CNTNAP2: variants seen among roughly 807,000 people sequenced by gnomAD.
CNTNAP2 encodes contactin associated protein 2.
In CNTNAP2, 98 loss-of-function variants were observed where a neutral mutation model predicts 155.2. The ratio of observed to expected loss-of-function variants is 0.63; its 90% CI spans 0.54 to 0.75. CNTNAP2 has a LOEUF of 0.75. Among genes scored for constraint, CNTNAP2 ranks in the 30% least tolerant of loss-of-function variants. The pLI is 0.00. For synonymous variants in CNTNAP2, 651 were observed against 631.2 expected, an observed-to-expected ratio of 1.03 and a Z score of -0.47; for missense variants, 1,727 against 1,688.1, an observed-to-expected ratio of 1.02 and a Z score of -0.40.
At position 146,562,710 on chromosome 7, in the gene CNTNAP2, G is replaced by C. The variant is rs58417557; in HGVS notation, c.98-211561G>C. Among the ~76,000 whole-genome samples, 1,299 of 152,082 alleles carry C rather than the reference G, an allele frequency of 8.5e-3. 12 individuals carry two copies. The highest frequency in any genetic ancestry group is 0.03 in the African/African-American group (1,235 of 41,530). ...CATTAGCTTTCATTTTTATGATAAT[G>C]AAACAAAAAATACAGTTTCCAAAAT... On this transcript the variant is annotated intron_variant, in intron 1 of 23. Coordinates refer to ENST00000361727, the MANE Select transcript of CNTNAP2 (RefSeq NM_014141.6).
intron 3 of CNTNAP2, among the ~76,000 whole-genome samples, chr7:147,003,215 C>T (rs1443873720): frequency 6.6e-6 from 1 of 151,938 alleles, no homozygotes; most frequent in Non-Finnish European, 1.5e-5. Flanking sequence ...ATGACTAGAG[C>T]AGAATCAATT....
At chr7:146,789,958 C>T (rs1294397434) in intron 2 of CNTNAP2, among the ~76,000 whole-genome samples, 1 of 151,306 alleles carries the variant, frequency 6.6e-6, no homozygotes, top group Non-Finnish European at 1.5e-5. Flanking sequence ...TCAATAATAA[C>T]AATATCCCAT....
At chr7:147,188,866 C>A (rs1223648138) in intron 8 of CNTNAP2, among the ~76,000 whole-genome samples, 2 of 152,044 alleles carry the variant, frequency 1.3e-5, no homozygotes, top group African/African-American at 4.8e-5. Flanking sequence ...AGAGATTATT[C>A]CTTTTATAAA....
At chr7:147,507,457 C>CGACT (rs201362345) in intron 11 of CNTNAP2, among the ~76,000 whole-genome samples, 1,517 of 151,660 alleles carry the variant, frequency 0.01, 17 homozygotes, top group Non-Finnish European at 0.016. Flanking sequence ...ATCACTGGAT[C>CGACT]GACTCTTGTC....
chr7:146,835,123 C>A (rs1404891084), intron 2 of CNTNAP2, among the ~76,000 whole-genome samples: 1 of 152,032 alleles, frequency 6.6e-6, no homozygotes, highest in Non-Finnish European at 1.5e-5. Flanking sequence ...TTAAAGTTAA[C>A]AATAAATTCT....
In CNTNAP2 at chr7:147,092,004, G is replaced by T. The variant is rs193160648; in HGVS notation, c.551-16143G>T. On this transcript the variant is annotated intron_variant, in intron 4 of 23. Transcript: ENST00000361727. ...TCTGCCCACCTCCACCTCCCAAAGT[G>T]CTGGGACTAGAGGCGTGAGCCACCA... Among the ~76,000 whole-genome samples the T allele has an allele frequency of 5.0e-4, 76 of 152,236 alleles. 1 individual carries two copies. In the East Asian group the frequency reaches 0.014, roughly 29 times the overall value.
At chr7:148,062,011 T>TAGATAGATGATAG (rs1803163415) in intron 15 of CNTNAP2, among the ~76,000 whole-genome samples, 28 of 84,202 alleles carry the variant, frequency 3.3e-4, no homozygotes, top group Middle Eastern at 0.014. Context: ...AGATAGATGA[T>TAGATAGATGATAG]AGAGAGAGAG....
rs193063682 is a variant in CNTNAP2, at chr7:148,283,851, C to A, written c.3475+16725C>A. Among the ~76,000 whole-genome samples, 36 of 152,234 alleles carry A rather than the reference C, an allele frequency of 2.4e-4. No individual in the cohort carries two copies. In the East Asian group the frequency reaches 5.6e-3, roughly 24 times the overall value. ...GAGCTCAATGTTAATAAATCAACAACATTTATTTCAAAACTGAATATTAAA... is the reference window on the plus strand; with the variant it reads ...GAGCTCAATGTTAATAAATCAACAAAATTTATTTCAAAACTGAATATTAAA... On this transcript the variant is annotated intron_variant, in intron 21 of 23. Transcript: ENST00000361727.
chr7:147,706,556 A>G (rs1164188478), intron 13 of CNTNAP2, among the ~76,000 whole-genome samples: 1 of 151,964 alleles, frequency 6.6e-6, no homozygotes, highest in Non-Finnish European at 1.5e-5. Context: ...TGGTTTTAGA[A>G]TTCTCTCTTT....
At chr7:147,526,948 C>A (rs916984932) in intron 11 of CNTNAP2, among the ~76,000 whole-genome samples, 1 of 149,326 alleles carries the variant, frequency 6.7e-6, no homozygotes, top group African/African-American at 2.5e-5. Flanking sequence ...ACTATTAGAA[C>A]AGGTTAACAT....
At chr7:148,037,523 C>T (rs888110039) in intron 15 of CNTNAP2, among the ~76,000 whole-genome samples, 8 of 152,192 alleles carry the variant, frequency 5.3e-5, no homozygotes, top group Admixed American at 3.9e-4. Flanking sequence ...CTAAGTCTAG[C>T]TACTAGTGTT....
At chr7:147,196,820 C>G (rs570745826) in intron 8 of CNTNAP2, among the ~76,000 whole-genome samples, 1 of 152,078 alleles carries the variant, frequency 6.6e-6, no homozygotes, top group Admixed American at 6.5e-5. Flanking sequence ...AGTGTGCAGG[C>G]GAGTGCAATG....
intron 1 of CNTNAP2, among the ~76,000 whole-genome samples, chr7:146,491,110 A>G (rs1036857918): frequency 6.6e-6 from 1 of 152,188 alleles, no homozygotes; most frequent in East Asian, 1.9e-4. Flanking sequence ...AAACAAAACA[A>G]CAAGCAAACA....
intron 15 of CNTNAP2, among the ~76,000 whole-genome samples, chr7:148,032,112 C>A (rs1425360664): frequency 6.6e-6 from 1 of 152,148 alleles, no homozygotes; most frequent in Non-Finnish European, 1.5e-5. Context: ...AAACATCTAA[C>A]TTAATGCTAG....
chr7:147,685,639 A>G (rs1045652969), intron 13 of CNTNAP2, among the ~76,000 whole-genome samples: 1 of 151,994 alleles, frequency 6.6e-6, no homozygotes, highest in African/African-American at 2.4e-5. Context: ...TCTAAAGCTT[A>G]TATTCTACAG....
intron 12 of CNTNAP2, among the ~76,000 whole-genome samples, chr7:147,604,158 C>T (rs960584465): frequency 1.3e-5 from 2 of 151,900 alleles, no homozygotes; most frequent in Admixed American, 6.6e-5. Flanking sequence ...AGGACATAGG[C>T]GTGGGCAAGG....
chr7:146,477,727 G>T (rs1221309967), intron 1 of CNTNAP2, among the ~76,000 whole-genome samples: 1 of 150,840 alleles, frequency 6.6e-6, no homozygotes, highest in Non-Finnish European at 1.5e-5. Flanking sequence ...AAATTAATTT[G>T]TAACCAACAA....
intron 10 of CNTNAP2, among the ~76,000 whole-genome samples, chr7:147,441,850 T>TCC (rs1491185639): frequency 4.1e-5 from 3 of 72,506 alleles, no homozygotes; most frequent in Admixed American, 1.4e-4. Context: ...TCTCTCTCTC[T>TCC]CCCTCCCTCC....
chr7:147,926,847 T>G (rs185526701), intron 14 of CNTNAP2, among the ~76,000 whole-genome samples: 150 of 152,328 alleles, frequency 9.8e-4, no homozygotes, highest in African/African-American at 3.5e-3. Context: ...ATTTTACTCT[T>G]AAGACAGATT....
Sources: allele counts gnomAD v4.1 joint callset (sites outside exome capture counted in the v4.1 genomes callset), GRCh38; gene constraint gnomAD v4.1.1; transcripts MANE v1.5; gene names NCBI Gene and HGNC (gene_info 2026-07-23, HGNC 2026-07-21).